Variants in YLPM1 observed in about 807,000 individuals in gnomAD.
YLPM1 encodes the protein YLP motif-containing protein 1.
In YLPM1, 99 loss-of-function variants were observed where a neutral mutation model predicts 230.0. That is an observed-to-expected ratio of 0.43 (90% confidence interval 0.37 to 0.51). The LOEUF is 0.51. Among genes scored for constraint, YLPM1 ranks in the 20% least tolerant of loss-of-function variants. The pLI is 0.00. For missense variants in YLPM1, 2,592 were observed against 2,707.7 expected (o/e 0.96, Z 0.95); for synonymous variants, 984 against 942.5 (o/e 1.04, Z -0.81).
chr14:74,799,575 C>T lies in YLPM1; in HGVS notation c.4278C>T (p.Ser1426=), dbSNP rs762770724. 6.2e-7 allele frequency: 1 copy of T among 1,613,926 alleles called. No individual in the cohort carries two copies. The highest frequency in any genetic ancestry group is 8.5e-7 in the Non-Finnish European group (1 of 1,179,894). The change falls in exon 5 of 21, where the codon TCC becomes TCT. Residue 1426 remains serine (S), a synonymous_variant. Coordinates refer to ENST00000325680, the MANE Select transcript of YLPM1 (RefSeq NM_019589.3). ...MAEHMPSSHH[S]SEMMGSDASL... ...AACATATGCCCTCCTCACATCATTC[C>T]TCAGAAATGATGGGGTCCGATGCAA...
intron 18 of YLPM1, among the ~76,000 whole-genome samples, chr14:74,828,980 C>T (rs1268337696): frequency 1.3e-5 from 2 of 152,152 alleles, no homozygotes; most frequent in African/African-American, 4.8e-5. Context: ...CATATTTGCT[C>T]TTAAACCAAC....
chr14:74,834,171 AGACTCT>A (rs1363073661), intron 19 of YLPM1, among the ~76,000 whole-genome samples: 1 of 148,974 alleles, frequency 6.7e-6, no homozygotes, highest in African/African-American at 2.5e-5. Context: ...CAACATAGTG[AGACTCT>A]GACTCTAAAA....
At chr14:74,829,481 G>A (rs2091591875) in intron 19 of YLPM1, 138 bp downstream of exon 19, 1 of 1,227,852 alleles carries the variant, frequency 8.1e-7, no homozygotes, top group Admixed American at 2.4e-5. Context: ...ATCCCAAGAA[G>A]GAGTCATACC....
chr14:74,834,270 A>G (rs2091628136), intron 19 of YLPM1, among the ~76,000 whole-genome samples: 1 of 152,086 alleles, frequency 6.6e-6, no homozygotes, highest in African/African-American at 2.4e-5. Context: ...ACCAATAGGA[A>G]ATATCCCTGA....
Position 74,828,009 on chromosome 14 carries a change from T to C in YLPM1, c.6164-1204T>C, listed in dbSNP as rs2091579324. 3 of 985,230 alleles carry C rather than the reference T, an allele frequency of 3.0e-6. No individual in the cohort carries two copies. In the South Asian group the frequency reaches 1.4e-4, roughly 46 times the overall value. 61.0% of individuals were successfully genotyped at this position (985,230 alleles called of 1,614,324 possible). A position where few individuals can be genotyped will look rare whatever the true frequency, so the allele number is the denominator to read the frequency against. On this transcript the variant is annotated intron_variant, in intron 18 of 20. Transcript: ENST00000325680. ...GCAGTTCGCCTTACTGATTTTTCAA[T>C]GATAATCACTTTTATGGGAAGGGGG...
At chr14:74,832,587 A>G (rs533870809) in intron 19 of YLPM1, among the ~76,000 whole-genome samples, 14 of 152,250 alleles carry the variant, frequency 9.2e-5, no homozygotes, top group Non-Finnish European at 1.9e-4. Context: ...CTCATGCCTC[A>G]GCCTCCTGAG....
Position 74,781,634 on chromosome 14 carries a change from C to T in YLPM1, c.1591C>T (p.Pro531Ser). Reference protein sequence around the residue: ...VPYSQMPPPLPTMPPPVLPPS... With the variant: ...VPYSQMPPPLSTMPPPVLPPS... ...ATATTCTCAGATGCCTCCACCTCTACCTACAATGCCCCCTCCAGTGTTGCC... is the reference window on the plus strand; with the variant it reads ...ATATTCTCAGATGCCTCCACCTCTATCTACAATGCCCCCTCCAGTGTTGCC... The change falls in exon 4 of 21, where the codon CCT (proline) becomes TCT (serine). Residue 531 changes from proline (P) to serine (S), a missense_variant. Pro to Ser is a moderately conservative substitution (Grantham distance 74, BLOSUM62 -1). Around this residue, in one of 4 missense-constraint regions of YLPM1, gnomAD observed 1,862 missense variants for 1,819.8 expected, o/e 1.02. Transcript: ENST00000325680. The T allele has an allele frequency of 6.2e-7, 1 of 1,613,932 alleles. No individual in the cohort carries two copies. The highest frequency in any genetic ancestry group is 8.5e-7 in the Non-Finnish European group (1 of 1,179,870).
At chr14:74,816,301 G>T in intron 12 of YLPM1, 36 bp downstream of exon 12, 2 of 1,594,892 alleles carry the variant, frequency 1.3e-6, no homozygotes, top group Non-Finnish European at 8.6e-7. Context: ...AGCTGCTTGT[G>T]CTGCTTGTGT....
rs56745224 is a variant in YLPM1, at chr14:74,796,735, A to G, written c.2283-845A>G. ...TAAAATGTCAGAACCTACTCTTAAG[A>G]TAGGGCTACTGTTTCTTTTTTTTTT... On this transcript the variant is annotated intron_variant, in intron 4 of 20. Transcript: ENST00000325680. Among the ~76,000 whole-genome samples the G allele has an allele frequency of 4.7e-3, 711 of 150,788 alleles. 6 individuals are homozygous for G. Among genetic ancestry groups the G allele is most frequent in the African/African-American group, 0.015 (622 of 41,258 alleles).
rs1242384278 is a variant in YLPM1 at position 74,824,310 on chromosome 14, G to A, written c.6163+3G>A. The A allele has an allele frequency of 6.2e-7, 1 of 1,611,674 alleles. No homozygotes were observed. Among genetic ancestry groups the A allele is most frequent in the Non-Finnish European group, 8.5e-7 (1 of 1,178,598 alleles). On this transcript the variant is annotated splice_donor_region_variant and intron_variant, in intron 18 of 20. Coordinates refer to ENST00000325680, the MANE Select transcript of YLPM1 (RefSeq NM_019589.3). ...GGACACATCTGAGGCAAAGCTAGGT[G>A]GGTATTTCCTTTTTCCTGTTTTTAT...
intron 4 of YLPM1, among the ~76,000 whole-genome samples, chr14:74,788,050 A>G (rs2091166385): frequency 6.6e-6 from 1 of 152,056 alleles, no homozygotes; most frequent in Non-Finnish European, 1.5e-5. Flanking sequence ...TTAAAGACAA[A>G]CTCTTTTCAT....
At chr14:74,794,164 C>T (rs1029662272) in intron 4 of YLPM1, among the ~76,000 whole-genome samples, 5 of 152,038 alleles carry the variant, frequency 3.3e-5, no homozygotes, top group African/African-American at 1.2e-4. Flanking sequence ...AGCTAAACTC[C>T]ATTTCCCAAA....
intron 1 of YLPM1, among the ~76,000 whole-genome samples, chr14:74,769,274 T>G (rs2090949256): frequency 7.8e-6 from 1 of 127,594 alleles, no homozygotes; most frequent in South Asian, 2.7e-4. Flanking sequence ...TTTTTTTTTT[T>G]TTTTTTTTTT....
Position 74,809,965 on chromosome 14 carries a change from C to G in YLPM1, c.4995C>G (p.Arg1665=). 1 of 1,609,216 alleles carries G rather than the reference C, an allele frequency of 6.2e-7. No homozygotes were observed. Among genetic ancestry groups the G allele is most frequent in the East Asian group, 2.2e-5 (1 of 44,820 alleles). Reference sequence around the variant, plus strand: ...CTTATGGAGAAAGAATAACTCTACGCCCAGATCCACTACCTGAAAGATCAA... The same window carrying G: ...CTTATGGAGAAAGAATAACTCTACGGCCAGATCCACTACCTGAAAGATCAA... ...QIPYGERITL[R]PDPLPERSTF... The change falls in exon 8 of 21, where the codon CGC becomes CGG. Residue 1665 remains arginine (R), a synonymous_variant. Transcript: ENST00000325680.
chr14:74,782,051 C>T lies in YLPM1; in HGVS notation c.2008C>T (p.Leu670=), dbSNP rs557367843. Residue 670 remains leucine, a synonymous_variant, in exon 4 of 21, where the codon CTG becomes TTG. Transcript: ENST00000325680. ...AGTTCCAGAGAAACCTAGACCAGCA[C>T]TGCTTCCTACTCCTGTGTCTTTTGG... The part of the protein sequence containing the change: ...SQVPEKPRPA[L]LPTPVSFGSA... 13 of 1,614,058 alleles carry T rather than the reference C, an allele frequency of 8.1e-6. No homozygotes were observed. The Admixed American group carries it at 1.0e-4, about 12-fold the overall frequency.
In YLPM1 at chr14:74,773,714, T is replaced by TC. The variant is rs1329581851; in HGVS notation, c.874-4733_874-4732insC. Among the ~76,000 whole-genome samples, 711 of 129,706 alleles carry TC rather than the reference T, an allele frequency of 5.5e-3. 10 individuals carry two copies. Among genetic ancestry groups the TC allele is most frequent in the African/African-American group, 0.02 (672 of 33,238 alleles). The allele number at this position is 129,706 out of a possible 152,430, so 85.1% of individuals were successfully genotyped here. A position where few individuals can be genotyped will look rare whatever the true frequency, so the allele number is the denominator to read the frequency against. On this transcript the variant is annotated intron_variant, in intron 1 of 20. Coordinates refer to ENST00000325680, the MANE Select transcript of YLPM1 (RefSeq NM_019589.3). Reference sequence around the variant, plus strand: ...TGGTCAGTGTGCTGTTTTCTTTCTTTTTTTTTTTTTTTTTTTTTTTTTTTG... The same window carrying TC: ...TGGTCAGTGTGCTGTTTTCTTTCTTTCTTTTTTTTTTTTTTTTTTTTTTTTG...
chr14:74,790,272 G>A (rs1449737615), intron 4 of YLPM1, among the ~76,000 whole-genome samples: 1 of 152,046 alleles, frequency 6.6e-6, no homozygotes, highest in African/African-American at 2.4e-5. Flanking sequence ...ATTTCCATTT[G>A]TTATGGTTGT....
chr14:74,829,873 T>C (rs2091594584), intron 19 of YLPM1, among the ~76,000 whole-genome samples: 1 of 152,206 alleles, frequency 6.6e-6, no homozygotes, highest in Admixed American at 6.5e-5. Flanking sequence ...GTTAGAAATA[T>C]AAGTGAAAAT....
At chr14:74,834,010 C>T (rs2091625920) in intron 19 of YLPM1, among the ~76,000 whole-genome samples, 2 of 152,178 alleles carry the variant, frequency 1.3e-5, no homozygotes, top group East Asian at 1.9e-4. Flanking sequence ...AGAATCTGAA[C>T]TTTTACAGAA....
Sources: gnomAD v4.1 joint callset for allele counts (sites outside exome capture counted in the v4.1 genomes callset) on GRCh38, gnomAD v4.1.1 for gene constraint, gnomAD v4.1.1 regional missense constraint, MANE v1.5 for transcripts, NCBI Gene and HGNC (gene_info 2026-07-23, HGNC 2026-07-21) for gene names.